UCK2: variants seen among roughly 807,000 people sequenced by gnomAD.
The protein encoded by UCK2 is cytidine monophosphokinase 2.
A neutral mutation model predicts 30.8 loss-of-function variants in UCK2; 6 were observed. That is an observed-to-expected ratio of 0.19 (90% CI 0.11 to 0.38). The LOEUF (loss-of-function observed/expected upper bound fraction) is 0.38, where lower values mean the gene tolerates loss of function less well. UCK2 is among the 10% of genes least tolerant of loss of function. The pLI is 1.00. For missense variants in UCK2, 210 were observed against 339.8 expected (o/e 0.62, Z 3.00); for synonymous variants, 125 against 133.6 (o/e 0.94, Z 0.45).
At chr1:165,902,007 G>A (rs961041628) in intron 4 of UCK2, among the ~76,000 whole-genome samples, 6 of 150,924 alleles carry the variant, frequency 4.0e-5, no homozygotes, top group Admixed American at 6.6e-5. Flanking sequence ...AGGCTGAGGC[G>A]GGTGGATCAG....
At chr1:165,868,787 T>C (rs1393392859) in intron 1 of UCK2, among the ~76,000 whole-genome samples, 1 of 152,252 alleles carries the variant, frequency 6.6e-6, no homozygotes, top group Non-Finnish European at 1.5e-5. Flanking sequence ...CATTCATGTG[T>C]TCACTGGAGT....
At chr1:165,859,852 A>G (rs886160268) in intron 1 of UCK2, among the ~76,000 whole-genome samples, 2 of 151,960 alleles carry the variant, frequency 1.3e-5, no homozygotes, top group Admixed American at 6.5e-5. Flanking sequence ...CCCTTCCCAA[A>G]CTCAACTCTG....
intron 3 of UCK2, among the ~76,000 whole-genome samples, chr1:165,895,251 C>G (rs1283127198): frequency 6.6e-6 from 1 of 151,840 alleles, no homozygotes; most frequent in Admixed American, 6.6e-5. Flanking sequence ...CCGTTTCTAC[C>G]AAAAATACAA....
intron 1 of UCK2, among the ~76,000 whole-genome samples, chr1:165,852,317 C>T (rs1654618345): frequency 6.6e-6 from 1 of 152,168 alleles, no homozygotes; most frequent in South Asian, 2.1e-4. Context: ...TTGCAATCTA[C>T]CCATCTGACA....
chr1:165,834,866 C>G (rs1381748859), intron 1 of UCK2, among the ~76,000 whole-genome samples: 1 of 152,172 alleles, frequency 6.6e-6, no homozygotes, highest in East Asian at 1.9e-4. Flanking sequence ...CTTTTTCTTC[C>G]TGTCCCATGT....
intron 1 of UCK2, among the ~76,000 whole-genome samples, chr1:165,839,597 G>C (rs940617440): frequency 2.0e-5 from 3 of 152,154 alleles, no homozygotes; most frequent in Non-Finnish European, 4.4e-5. Flanking sequence ...TTAAGATAGA[G>C]AATCCCTGGT....
At chr1:165,839,508 T>C (rs1654273386) in intron 1 of UCK2, among the ~76,000 whole-genome samples, 1 of 152,116 alleles carries the variant, frequency 6.6e-6, no homozygotes, top group African/African-American at 2.4e-5. Context: ...CATGAGGCTC[T>C]TCTTGCTGGG....
chr1:165,883,862 C>T (rs1241409852), intron 1 of UCK2, among the ~76,000 whole-genome samples: 1 of 152,192 alleles, frequency 6.6e-6, no homozygotes, highest in Non-Finnish European at 1.5e-5. Flanking sequence ...TGACACCTCT[C>T]TATTGTGCCA....
chr1:165,882,119 C>T (rs774706971), intron 1 of UCK2, among the ~76,000 whole-genome samples: 14 of 152,118 alleles, frequency 9.2e-5, no homozygotes, highest in Non-Finnish European at 1.5e-4. Context: ...AAACAGGTGC[C>T]GAAAGGGGGA....
chr1:165,853,377 T>A (rs1654646919), intron 1 of UCK2, among the ~76,000 whole-genome samples: 1 of 152,070 alleles, frequency 6.6e-6, no homozygotes, highest in Non-Finnish European at 1.5e-5. Flanking sequence ...TGTTTTCATT[T>A]AAAAAAAATT....
chr1:165,902,015 C>T (rs1647488939), intron 4 of UCK2, among the ~76,000 whole-genome samples: 1 of 149,782 alleles, frequency 6.7e-6, no homozygotes, highest in Non-Finnish European at 1.5e-5. Flanking sequence ...GCGGGTGGAT[C>T]AGGAAGTCAG....
chr1:165,870,161 CT>C, intron 1 of UCK2, among the ~76,000 whole-genome samples: 1 of 132,434 alleles, frequency 7.6e-6, no homozygotes, highest in Middle Eastern at 4.1e-3. Context: ...TTGTTTGTTT[CT>C]TTTTTTGTAT....
At chr1:165,890,557 C>T (rs1431007212) in intron 2 of UCK2, among the ~76,000 whole-genome samples, 194 bp downstream of exon 2, 2 of 152,144 alleles carry the variant, frequency 1.3e-5, no homozygotes, top group African/African-American at 4.8e-5. Flanking sequence ...TCAAGTAGTG[C>T]TTGGCTCATT....
intron 1 of UCK2, among the ~76,000 whole-genome samples, chr1:165,875,013 T>C (rs1655299162): frequency 1.3e-5 from 2 of 148,830 alleles, no homozygotes; most frequent in South Asian, 4.2e-4. Flanking sequence ...TGGGCATGAA[T>C]TGATGAAGTT....
intron 4 of UCK2, among the ~76,000 whole-genome samples, chr1:165,902,318 G>A (rs941533269): frequency 6.6e-6 from 1 of 152,028 alleles, no homozygotes; most frequent in Admixed American, 6.6e-5. Flanking sequence ...TGAGGTGGGA[G>A]GATCACTTGC....
At chr1:165,905,841 T>C (rs189309581) in intron 5 of UCK2, 80 bp from the exon 6 acceptor site, 2 of 1,338,222 alleles carry the variant, frequency 1.5e-6, no homozygotes, top group Admixed American at 3.4e-5. Flanking sequence ...TGCTGCCCTT[T>C]CCCCATATTC....
Position 165,886,323 on chromosome 1 carries a change from C to A in UCK2, c.100-3881C>A, listed in dbSNP as rs549463133. Among the ~76,000 whole-genome samples, 48 of 152,150 alleles carry A rather than the reference C, an allele frequency of 3.2e-4. 2 individuals carry two copies. The South Asian group carries it at 1.0e-2, about 32-fold the overall frequency. On this transcript the variant is annotated intron_variant, in intron 1 of 6. Coordinates refer to ENST00000367879, the MANE Select transcript of UCK2 (RefSeq NM_012474.5). Reference sequence around the variant, plus strand: ...TCTCTTATTTTTTTAGAGATAGAGTCTTGCTCTGTTGCCCAGGCTGGAGTG... The same window carrying A: ...TCTCTTATTTTTTTAGAGATAGAGTATTGCTCTGTTGCCCAGGCTGGAGTG...
intron 4 of UCK2, among the ~76,000 whole-genome samples, chr1:165,901,173 A>G (rs1383797030): frequency 6.6e-6 from 1 of 152,120 alleles, no homozygotes; most frequent in Non-Finnish European, 1.5e-5. Context: ...GGGGAAAACC[A>G]TTTCCTGGCT....
At chr1:165,903,391 CTG>C in intron 5 of UCK2, 112 bp downstream of exon 5, 1 of 852,252 alleles carries the variant, frequency 1.2e-6, no homozygotes, top group Non-Finnish European at 1.8e-6. Flanking sequence ...ACTCCTCTCT[CTG>C]AGTGATCCTC....
Sources: allele counts gnomAD v4.1 joint callset (sites outside exome capture counted in the v4.1 genomes callset), GRCh38; gene constraint gnomAD v4.1.1; transcripts MANE v1.5; gene names NCBI Gene and HGNC (gene_info 2026-07-23, HGNC 2026-07-21).